VPS13B: variants seen among roughly 807,000 people sequenced by gnomAD.
VPS13B encodes the protein vacuolar protein sorting 13 homolog B.
Under a neutral mutation model 426.4 loss-of-function variants are expected in VPS13B, and 285 were observed. That is an observed-to-expected ratio of 0.67 (90% CI 0.61 to 0.74). VPS13B has a LOEUF of 0.74. Among genes scored for constraint, VPS13B ranks in the 30% least tolerant of loss-of-function variants. The pLI is 0.00. For synonymous variants in VPS13B, 1,676 were observed against 1,676.4 expected, an observed-to-expected ratio of 1.00 and a Z score of 0.01; for missense variants, 4,537 against 4,782.6, an observed-to-expected ratio of 0.95 and a Z score of 1.51.
chr8:99,135,774 T>A, intron 11 of VPS13B, 41 bp downstream of exon 11: 2 of 1,611,288 alleles, frequency 1.2e-6, no homozygotes, highest in African/African-American at 1.3e-5. Flanking sequence ...AGGCTGTGTT[T>A]GGGTGGACAC....
At chr8:99,224,095 T>C (rs1188687801) in intron 17 of VPS13B, among the ~76,000 whole-genome samples, 1 of 152,158 alleles carries the variant, frequency 6.6e-6, no homozygotes, top group Admixed American at 6.5e-5. Context: ...AGGAAGACTT[T>C]AGGTCTGTGA....
chr8:99,775,531 G>A (rs143451165), intron 40 of VPS13B, among the ~76,000 whole-genome samples: 30 of 152,268 alleles, frequency 2.0e-4, no homozygotes, highest in African/African-American at 6.5e-4. Flanking sequence ...CATGCTTCCC[G>A]TGCACAGCAG....
chr8:99,053,672 T>A (rs1320606904), intron 3 of VPS13B, among the ~76,000 whole-genome samples: 1 of 151,526 alleles, frequency 6.6e-6, no homozygotes, highest in African/African-American at 2.4e-5. Flanking sequence ...TCCTTTTTTT[T>A]TCCTTTTTTT....
intron 19 of VPS13B, chr8:99,340,820 C>T (rs1280722556): frequency 6.0e-6 from 2 of 331,430 alleles, no homozygotes; most frequent in East Asian, 1.8e-4. Context: ...ACGCGGACCG[C>T]CTCAGAGCCT....
At chr8:99,082,145 A>G (rs548978570) in intron 3 of VPS13B, among the ~76,000 whole-genome samples, 2 of 152,240 alleles carry the variant, frequency 1.3e-5, no homozygotes, top group South Asian at 2.1e-4. Flanking sequence ...CTTTTTAATG[A>G]GTGCCATTCT....
At chr8:99,049,546 T>C (rs1024466584) in intron 3 of VPS13B, among the ~76,000 whole-genome samples, 8 of 122,974 alleles carry the variant, frequency 6.5e-5, no homozygotes, top group Non-Finnish European at 9.9e-5. Context: ...ATTCAATAGG[T>C]TTTTTTTTTT....
At chr8:99,307,677 ACCGACCATC>A (rs1424445639) in intron 19 of VPS13B, among the ~76,000 whole-genome samples, 28 of 152,090 alleles carry the variant, frequency 1.8e-4, no homozygotes, top group African/African-American at 6.7e-4. Context: ...ATTACAAGCA[ACCGACCATC>A]GATTTTGTTT....
intron 8 of VPS13B, among the ~76,000 whole-genome samples, chr8:99,122,103 C>T (rs779310830): frequency 2.0e-5 from 3 of 151,260 alleles, no homozygotes; most frequent in Non-Finnish European, 4.4e-5. Context: ...AAGCGTTTTT[C>T]CCCCTTTGGC....
chr8:99,640,101 G>GAA (rs1829293253), intron 33 of VPS13B, among the ~76,000 whole-genome samples: 6 of 141,428 alleles, frequency 4.2e-5, no homozygotes, highest in African/African-American at 1.6e-4. Context: ...GAAAAGAAAA[G>GAA]AAAAGAAAAG....
chr8:99,335,512 A>G (rs181559845), intron 19 of VPS13B, among the ~76,000 whole-genome samples: 46 of 152,024 alleles, frequency 3.0e-4, no homozygotes, highest in Middle Eastern at 3.4e-3. Context: ...AAATTTGGCC[A>G]GGGCAATTAG....
rs767112929 is a variant in VPS13B at position 99,699,954 on chromosome 8, G to T, written c.6454+22G>T. The T allele has an allele frequency of 5.6e-6, 9 of 1,612,074 alleles. No homozygotes were observed. In the South Asian group the frequency reaches 6.6e-5, roughly 12 times the overall value. On this transcript the variant is annotated intron_variant, in intron 36 of 61. Transcript: ENST00000357162. ...CCTGGTAAGTCACAGAAAAGGGGAG[G>T]GGGGAGACAGAACAAGTAAGATGAT...
intron 3 of VPS13B, among the ~76,000 whole-genome samples, chr8:99,088,387 AAGTT>A (rs1845960812): frequency 6.6e-6 from 1 of 152,152 alleles, no homozygotes; most frequent in Non-Finnish European, 1.5e-5. Context: ...GCAGACATAA[AAGTT>A]AGATTATATT....
At chr8:99,723,415 G>T (rs73271361) in intron 39 of VPS13B, among the ~76,000 whole-genome samples, 3,058 of 152,176 alleles carry the variant, frequency 0.02, 95 homozygotes, top group African/African-American at 0.069. Flanking sequence ...GCTTATTGGG[G>T]TATTTCAGAT....
intron 17 of VPS13B, among the ~76,000 whole-genome samples, chr8:99,236,298 G>A (rs1027670513): frequency 6.6e-5 from 10 of 151,932 alleles, no homozygotes; most frequent in Non-Finnish European, 2.9e-5. Flanking sequence ...TGCCCGGGCT[G>A]GAGTGCAGTG....
chr8:99,217,052 T>G (rs900486104), intron 17 of VPS13B, among the ~76,000 whole-genome samples: 3 of 152,192 alleles, frequency 2.0e-5, no homozygotes, highest in Non-Finnish European at 4.4e-5. Flanking sequence ...AAAAATGTTG[T>G]GTTTTCTGTT....
chr8:99,438,932 A>G (rs1374531007), intron 22 of VPS13B, among the ~76,000 whole-genome samples: 1 of 152,146 alleles, frequency 6.6e-6, no homozygotes, highest in Non-Finnish European at 1.5e-5. Flanking sequence ...TATAGGAGAG[A>G]CTTGGTGTTG....
chr8:99,354,266 C>CTTTTTTT lies in VPS13B; in HGVS notation c.2825-29909_2825-29903dup, dbSNP rs71273176. Among the ~76,000 whole-genome samples, 89 of 22,194 alleles carry CTTTTTTT rather than the reference C, an allele frequency of 4.0e-3. 20 individuals are homozygous for CTTTTTTT. Among genetic ancestry groups the CTTTTTTT allele is most frequent in the Non-Finnish European group, 5.1e-3 (53 of 10,404 alleles). The allele number at this position is 22,194 out of a possible 152,430, so 14.6% of individuals were successfully genotyped here. On this transcript the variant is annotated intron_variant, in intron 19 of 61. Coordinates refer to ENST00000357162, the MANE Select transcript of VPS13B (RefSeq NM_152564.5). ...TTCTACTGTAGCCCCCTCCCCCTGC[C>CTTTTTTT]TTTTTTTTTTTTTTTTTTTTTTTTT...
chr8:99,772,694 T>C (rs1223223928), intron 40 of VPS13B, among the ~76,000 whole-genome samples: 1 of 152,232 alleles, frequency 6.6e-6, no homozygotes, highest in Admixed American at 6.5e-5. Flanking sequence ...TTTCCCCTGT[T>C]TTATATGTGT....
intron 17 of VPS13B, among the ~76,000 whole-genome samples, chr8:99,237,679 G>T (rs1327247902): frequency 6.6e-6 from 1 of 151,976 alleles, no homozygotes; most frequent in Non-Finnish European, 1.5e-5. Flanking sequence ...CTACACATTG[G>T]GTATAGTGGT....
Sources: allele counts gnomAD v4.1 joint callset (sites outside exome capture counted in the v4.1 genomes callset), GRCh38; gene constraint gnomAD v4.1.1; transcripts MANE v1.5; gene names NCBI Gene and HGNC (gene_info 2026-07-23, HGNC 2026-07-21).